Variants in ADCY5 observed in about 807,000 individuals in gnomAD.
ADCY5 encodes adenylate cyclase 5, also known as adenylate cyclase type 5.
Under a neutral mutation model 119.7 loss-of-function variants are expected in ADCY5, and 30 were observed. The ratio of observed to expected loss-of-function variants is 0.25; its 90% CI spans 0.19 to 0.34. The LOEUF (loss-of-function observed/expected upper bound fraction) is 0.34. Among genes scored for constraint, ADCY5 ranks in the 10% least tolerant of loss-of-function variants. The pLI, the probability that ADCY5 is intolerant of heterozygous loss-of-function variation, is 1.00. For missense variants in ADCY5, 1,324 were observed against 1,775.2 expected, an observed-to-expected ratio of 0.75 and a Z score of 4.57; for synonymous variants, 753 against 762.2, an observed-to-expected ratio of 0.99 and a Z score of 0.20.
chr3:123,373,761 C>CCCA (rs1943721565), intron 1 of ADCY5, among the ~76,000 whole-genome samples: 1 of 20,262 alleles, frequency 4.9e-5, no homozygotes, highest in Non-Finnish European at 1.1e-4. Flanking sequence ...GCATCACGCC[C>CCCA]CCCCCCCCCC....
intron 3 of ADCY5, among the ~76,000 whole-genome samples, chr3:123,337,374 C>T (rs1182113774): frequency 6.6e-6 from 1 of 152,206 alleles, no homozygotes. Context: ...ATGAAAGGTG[C>T]CCCCGGTAGT....
rs570075208 is a variant in ADCY5, at chr3:123,429,400, A to AT, written c.1134+18011dup. ...AGAGGGGACCCCAGATAAAAGGAGG[A>AT]TCCCCCCAACCCTGCCCCAGTGAGT... On this transcript the variant is annotated intron_variant, in intron 1 of 20. Coordinates refer to ENST00000462833, the MANE Select transcript of ADCY5 (RefSeq NM_183357.3). Among the ~76,000 whole-genome samples, 4 of 152,106 alleles carry AT rather than the reference A, an allele frequency of 2.6e-5. No homozygotes were observed. In the South Asian group the frequency reaches 8.3e-4, roughly 32 times the overall value.
chr3:123,407,982 G>A (rs1030641048), intron 1 of ADCY5, among the ~76,000 whole-genome samples: 4 of 151,888 alleles, frequency 2.6e-5, no homozygotes, highest in African/African-American at 9.7e-5. Context: ...GATAGACAGA[G>A]GTGGAAAATT....
At chr3:123,363,690 C>T (rs1281630060) in intron 1 of ADCY5, among the ~76,000 whole-genome samples, 2 of 152,244 alleles carry the variant, frequency 1.3e-5, no homozygotes, top group Non-Finnish European at 2.9e-5. Context: ...AGGAGGATCA[C>T]TTGAGGCCAG....
At chr3:123,376,627 A>G (rs1943844529) in intron 1 of ADCY5, among the ~76,000 whole-genome samples, 1 of 152,138 alleles carries the variant, frequency 6.6e-6, no homozygotes, top group African/African-American at 2.4e-5. Context: ...GTGTGTGCCC[A>G]CAGAGGCCCA....
rs375711676 is a variant in ADCY5, at chr3:123,318,001, G to A, written c.2354+19C>T. The A allele has an allele frequency of 6.2e-7, 1 of 1,606,856 alleles. No homozygotes were observed. Among genetic ancestry groups the A allele is most frequent in the African/African-American group, 1.3e-5 (1 of 74,872 alleles). On this transcript the variant is annotated intron_variant, in intron 11 of 20. Transcript: ENST00000462833. ...CCTGCAGCCAGAGGAAGGAGCCCAA[G>A]AGGGACGGGGATACTCACTGGGGCA...
At chr3:123,439,678 T>C (rs920192350) in intron 1 of ADCY5, among the ~76,000 whole-genome samples, 1 of 152,182 alleles carries the variant, frequency 6.6e-6, no homozygotes, top group Admixed American at 6.5e-5. Context: ...GAGGGACTAC[T>C]GTATGTGAGA....
At chr3:123,386,873 C>T (rs1376839093) in intron 1 of ADCY5, among the ~76,000 whole-genome samples, 3 of 152,142 alleles carry the variant, frequency 2.0e-5, no homozygotes, top group African/African-American at 7.2e-5. Context: ...GTCTTAAGCC[C>T]GTCAGCGTGG....
At chr3:123,387,480 C>T (rs1472882077) in intron 1 of ADCY5, among the ~76,000 whole-genome samples, 1 of 152,134 alleles carries the variant, frequency 6.6e-6, no homozygotes, top group Non-Finnish European at 1.5e-5. Flanking sequence ...ATCAGCACAG[C>T]AGGAGGCTGG....
intron 1 of ADCY5, among the ~76,000 whole-genome samples, chr3:123,407,569 T>C (rs1031174764): frequency 1.4e-4 from 16 of 116,524 alleles, no homozygotes; most frequent in African/African-American, 4.7e-4. Context: ...CTGGGCAACA[T>C]AGTGAGACCC....
intron 14 of ADCY5, among the ~76,000 whole-genome samples, chr3:123,301,947 G>A (rs972711223): frequency 2.4e-4 from 37 of 152,178 alleles, no homozygotes; most frequent in Non-Finnish European, 4.9e-4. Context: ...GGCTGCACCT[G>A]CCTAGGTGAG....
chr3:123,347,606 T>C (rs151295550), intron 3 of ADCY5, among the ~76,000 whole-genome samples, 176 bp downstream of exon 3: 1 of 152,064 alleles, frequency 6.6e-6, no homozygotes, highest in East Asian at 1.9e-4. Flanking sequence ...TGGGACACCA[T>C]GATAATTCAC....
intron 12 of ADCY5, among the ~76,000 whole-genome samples, chr3:123,313,558 C>T (rs1940707967): frequency 6.6e-6 from 1 of 152,180 alleles, no homozygotes; most frequent in Non-Finnish European, 1.5e-5. Flanking sequence ...GAGGGAAAGG[C>T]CTGATGGGCA....
rs370590715 is a variant in ADCY5, at chr3:123,447,613, G to T, written c.933C>A (p.Ala311=). The T allele has an allele frequency of 1.2e-6, 2 of 1,607,690 alleles. No homozygotes were observed. The highest frequency in any genetic ancestry group is 2.7e-5 in the African/African-American group (2 of 74,892). The change falls in exon 1 of 21, where the codon GCC becomes GCA. Residue 311 remains alanine, a synonymous_variant. Coordinates refer to ENST00000462833, the MANE Select transcript of ADCY5 (RefSeq NM_183357.3). ...ACYALIAVVL[A]VQVVGLLLPQ... ...GCAGCAGCAGGCCCACCACCTGGAC[G>T]GCCAGCACCACGGCGATGAGCGCAT...
chr3:123,399,443 G>C (rs1054356925), intron 1 of ADCY5, among the ~76,000 whole-genome samples: 15 of 152,020 alleles, frequency 9.9e-5, no homozygotes, highest in South Asian at 2.1e-4. Context: ...TGTAATGAGC[G>C]TCCCATCTGA....
chr3:123,343,572 C>T (rs1466083974), intron 3 of ADCY5, among the ~76,000 whole-genome samples: 6 of 152,168 alleles, frequency 3.9e-5, no homozygotes, highest in South Asian at 2.1e-4. Flanking sequence ...CTGTGACCCA[C>T]GTGGTATGGC....
In ADCY5 at chr3:123,284,617, C is replaced by T. The variant is rs112321119; in HGVS notation, c.3777G>A (p.Pro1259=). 763 of 1,614,208 alleles carry T rather than the reference C, an allele frequency of 4.7e-4. 2 individuals are homozygous for T. In the African/African-American group the frequency reaches 9.0e-3, roughly 19 times the overall value. Residue 1259 remains proline (P), a synonymous_variant, in exon 21 of 21, where the codon CCG becomes CCA. Coordinates refer to ENST00000462833, the MANE Select transcript of ADCY5 (RefSeq NM_183357.3). ...MMTYFLNGGP[P]LS ...CATTGGCCAACAGCTGCTAACTGAGCGGGGGCCCTCCATTGAGGAAGTAGG... is the reference window on the plus strand; with the variant it reads ...CATTGGCCAACAGCTGCTAACTGAGTGGGGGCCCTCCATTGAGGAAGTAGG...
chr3:123,401,953 A>G (rs189340637), intron 1 of ADCY5, among the ~76,000 whole-genome samples: 3 of 152,356 alleles, frequency 2.0e-5, no homozygotes, highest in South Asian at 2.1e-4. Flanking sequence ...CCTCAGATAC[A>G]GCCTCGACAG....
intron 1 of ADCY5, among the ~76,000 whole-genome samples, chr3:123,359,736 C>T (rs1943180289): frequency 1.3e-5 from 2 of 152,198 alleles, no homozygotes; most frequent in African/African-American, 2.4e-5. Context: ...GGCTCTCTCC[C>T]GCAAAGTGTC....
Sources: allele counts gnomAD v4.1 joint callset (sites outside exome capture counted in the v4.1 genomes callset), GRCh38; gene constraint gnomAD v4.1.1; transcripts MANE v1.5; gene names NCBI Gene and HGNC (gene_info 2026-07-23, HGNC 2026-07-21).